The following TRABD2B variants were observed in gnomAD, a reference collection of about 807,000 sequenced individuals.
TRABD2B encodes metalloprotease TIKI2.
TRABD2B carries 14 observed loss-of-function variants against 40.1 expected under a neutral mutation model. The observed-to-expected ratio is 0.35, with a 90% CI of 0.23 to 0.55. TRABD2B has a LOEUF of 0.55. Ranked by LOEUF, TRABD2B falls within the 20% of genes least tolerant of loss-of-function variation. TRABD2B has a pLI of 0.90. For missense variants in TRABD2B, 541 were observed against 648.6 expected (o/e 0.83, Z 1.80); for synonymous variants, 263 against 277.0 (o/e 0.95, Z 0.50).
intron 2 of TRABD2B, among the ~76,000 whole-genome samples, chr1:47,955,340 T>C (rs1193682002): frequency 6.6e-6 from 1 of 152,218 alleles, no homozygotes; most frequent in East Asian, 1.9e-4. Context: ...ATCCCGCCTG[T>C]TACTGATCCA....
intron 2 of TRABD2B, among the ~76,000 whole-genome samples, chr1:47,940,850 CG>C (rs1198018399): frequency 6.6e-6 from 1 of 152,160 alleles, no homozygotes; most frequent in Non-Finnish European, 1.5e-5. Flanking sequence ...TCCAGGAATC[CG>C]GAGGGGAAAA....
chr1:47,876,562 G>A (rs546584039), intron 2 of TRABD2B, among the ~76,000 whole-genome samples: 8 of 152,168 alleles, frequency 5.3e-5, no homozygotes, highest in African/African-American at 1.4e-4. Context: ...GGAAATCCCC[G>A]CAACTTCAGG....
intron 2 of TRABD2B, among the ~76,000 whole-genome samples, chr1:47,816,615 A>G (rs1645035602): frequency 6.6e-6 from 1 of 152,128 alleles, no homozygotes; most frequent in Admixed American, 6.5e-5. Flanking sequence ...CAGTTGCTCA[A>G]GTACCACCTC....
chr1:47,801,803 C>A (rs915326561), intron 2 of TRABD2B, among the ~76,000 whole-genome samples, 184 bp from the exon 3 acceptor site: 1 of 152,170 alleles, frequency 6.6e-6, no homozygotes, highest in African/African-American at 2.4e-5. Context: ...TGTCTCTGAG[C>A]ACGTTCAGCC....
At chr1:47,860,278 C>T (rs1484395357) in intron 2 of TRABD2B, among the ~76,000 whole-genome samples, 1 of 152,212 alleles carries the variant, frequency 6.6e-6, no homozygotes, top group African/African-American at 2.4e-5. Context: ...TCTTTCCCAC[C>T]TAGTTGTTAC....
At chr1:47,868,779 T>C (rs1454283368) in intron 2 of TRABD2B, among the ~76,000 whole-genome samples, 1 of 152,190 alleles carries the variant, frequency 6.6e-6, no homozygotes, top group Non-Finnish European at 1.5e-5. Flanking sequence ...CGGTCCAGAC[T>C]AGGGGGACAT....
intron 5 of TRABD2B, among the ~76,000 whole-genome samples, chr1:47,777,036 G>C (rs1644457118): frequency 6.6e-6 from 1 of 152,198 alleles, no homozygotes; most frequent in Admixed American, 6.5e-5. Flanking sequence ...GGAGGCTAAG[G>C]CTGAGAGTCC....
chr1:47,947,799 T>C, intron 2 of TRABD2B, among the ~76,000 whole-genome samples: 1 of 152,154 alleles, frequency 6.6e-6, no homozygotes, highest in East Asian at 1.9e-4. Context: ...TCCAACACAT[T>C]ATCTCCCGCA....
chr1:47,915,305 A>G (rs1392001454), intron 2 of TRABD2B, among the ~76,000 whole-genome samples: 1 of 152,194 alleles, frequency 6.6e-6, no homozygotes, highest in East Asian at 1.9e-4. Context: ...TGGAGGCTAC[A>G]GACTCTTCTC....
rs564203240 is a variant in TRABD2B, at chr1:47,971,735, A to C, written c.666+22299T>G. Among the ~76,000 whole-genome samples the C allele has an allele frequency of 3.3e-5, 5 of 152,316 alleles. No individual in the cohort carries two copies. In the South Asian group the frequency reaches 1.0e-3, roughly 32 times the overall value. On this transcript the variant is annotated intron_variant, in intron 2 of 6. Transcript: ENST00000606738. ...TCTTTCCTGGATACAGCCTCAAACAATGAGGTTTCCACCAAAGACTTCCCA... is the reference window on the plus strand; with the variant it reads ...TCTTTCCTGGATACAGCCTCAAACACTGAGGTTTCCACCAAAGACTTCCCA...
intron 4 of TRABD2B, among the ~76,000 whole-genome samples, chr1:47,779,503 C>T (rs145232565): frequency 4.1e-4 from 62 of 152,304 alleles, no homozygotes; most frequent in African/African-American, 7.9e-4. Context: ...GAGTGGAAAT[C>T]GTCTTCCTGT....
chr1:47,892,175 T>C (rs781433627), intron 2 of TRABD2B, among the ~76,000 whole-genome samples: 8 of 151,626 alleles, frequency 5.3e-5, no homozygotes, highest in Non-Finnish European at 7.4e-5. Context: ...ACAGGAAGGG[T>C]GGGGAGAAGT....
At chr1:47,773,304 C>T (rs1454451707) in intron 6 of TRABD2B, among the ~76,000 whole-genome samples, 2 of 152,268 alleles carry the variant, frequency 1.3e-5, no homozygotes, top group African/African-American at 2.4e-5. Flanking sequence ...TCTATGCCCT[C>T]ACTCCCGATT....
intron 2 of TRABD2B, among the ~76,000 whole-genome samples, chr1:47,900,156 G>C (rs1417208770): frequency 6.6e-6 from 1 of 152,140 alleles, no homozygotes; most frequent in East Asian, 1.9e-4. Flanking sequence ...GCCAGACTGA[G>C]GGGGTGTGGG....
In TRABD2B at chr1:47,994,447, C is replaced by G. The variant is rs1332436111; in HGVS notation, c.253G>C (p.Glu85Gln). ...GTGTAGGGGTCTGTAAGGTCCAGCT[C>G]AAAGTAGACACGGGTGCTAGCCTGG... ...AFQASTRVYF[E>Q]LDLTDPYTIS... The change falls in exon 2 of 7, where the codon GAG becomes CAG. Residue 85 changes from glutamate (E) to glutamine (Q), a missense_variant. Around this residue, in one of 2 missense-constraint regions of TRABD2B, gnomAD observed 369 missense variants for 492.8 expected, o/e 0.75. Coordinates refer to ENST00000606738, the MANE Select transcript of TRABD2B (RefSeq NM_001194986.2). This position sits in a 1 kb window ranked among gnomAD's most constrained non-coding sequence, Gnocchi z 6.7. 1 of 1,536,048 alleles carries G rather than the reference C, an allele frequency of 6.5e-7. No homozygotes were observed.
At chr1:47,935,679 A>G (rs1462534542) in intron 2 of TRABD2B, among the ~76,000 whole-genome samples, 2 of 152,236 alleles carry the variant, frequency 1.3e-5, no homozygotes, top group Non-Finnish European at 2.9e-5. Context: ...TGGGACTGAA[A>G]AGTCCTGAAT....
intron 2 of TRABD2B, among the ~76,000 whole-genome samples, chr1:47,910,013 C>A (rs1359198441): frequency 6.6e-6 from 1 of 151,468 alleles, no homozygotes; most frequent in Non-Finnish European, 1.5e-5. Context: ...GCACGTGCCA[C>A]CACGCCTGGC....
At chr1:47,784,353 G>A (rs1644566574) in intron 4 of TRABD2B, among the ~76,000 whole-genome samples, 1 of 152,192 alleles carries the variant, frequency 6.6e-6, no homozygotes, top group Non-Finnish European at 1.5e-5. Context: ...GGAGAGGAGA[G>A]TGTGCAAGTG....
chr1:47,984,442 T>C (rs1645888978), intron 2 of TRABD2B, among the ~76,000 whole-genome samples: 1 of 152,348 alleles, frequency 6.6e-6, no homozygotes, highest in African/African-American at 2.4e-5. Context: ...AAACGCGTCA[T>C]GCACAGAGCG....
Sources: allele counts gnomAD v4.1 joint callset (sites outside exome capture counted in the v4.1 genomes callset), GRCh38; gene constraint gnomAD v4.1.1; regional missense constraint gnomAD v4.1.1; non-coding constraint Gnocchi (gnomAD v3.1); transcripts MANE v1.5; gene names NCBI Gene and HGNC (gene_info 2026-07-23, HGNC 2026-07-21).